The following CNOT1 variants were observed in gnomAD, a reference collection of about 807,000 sequenced individuals.
CNOT1 encodes the protein CCR4-associated factor 1.
Under a neutral mutation model 273.8 loss-of-function variants are expected in CNOT1, and 15 were observed. The ratio of observed to expected loss-of-function variants is 0.05; its 90% CI spans 0.04 to 0.08. CNOT1 has a LOEUF of 0.08. Ranked by LOEUF, CNOT1 falls within the 10% of genes least tolerant of loss-of-function variation. The probability of loss-of-function intolerance (pLI) is 1.00; values close to 1 mark genes in which losing one functional copy is unlikely to be tolerated. For synonymous variants in CNOT1, 1,022 were observed against 1,005.5 expected (o/e 1.02, Z -0.31); for missense variants, 1,644 against 2,912.2 (o/e 0.56, Z 10.02).
At chr16:58,537,550 T>A (rs2039964704) in intron 38 of CNOT1, among the ~76,000 whole-genome samples, 1 of 152,252 alleles carries the variant, frequency 6.6e-6, no homozygotes, top group Non-Finnish European at 1.5e-5. Context: ...TTTCCAATAG[T>A]TCTTTGAGAA....
intron 2 of CNOT1, among the ~76,000 whole-genome samples, chr16:58,594,325 G>A (rs564843732): frequency 1.3e-5 from 2 of 152,188 alleles, no homozygotes; most frequent in South Asian, 4.1e-4. Flanking sequence ...CATTAAATAC[G>A]CAAATGCACC....
intron 1 of CNOT1, 115 bp downstream of exon 1, chr16:58,629,613 C>G (rs909151820): frequency 6.5e-6 from 1 of 152,816 alleles, no homozygotes; most frequent in Middle Eastern, 3.2e-3. Context: ...CCCTAGAGCT[C>G]CGGGAAACGC....
chr16:58,527,070 G>A (rs1449026096), intron 44 of CNOT1, among the ~76,000 whole-genome samples: 1 of 152,122 alleles, frequency 6.6e-6, no homozygotes, highest in Non-Finnish European at 1.5e-5. Context: ...GCCATGTCAG[G>A]GTGGTGAGAT....
chr16:58,573,990 C>T (rs2041376079), intron 16 of CNOT1, among the ~76,000 whole-genome samples: 1 of 152,080 alleles, frequency 6.6e-6, no homozygotes, highest in Admixed American at 6.6e-5. Context: ...GTGACTCACA[C>T]CTGTAATCCC....
intron 1 of CNOT1, among the ~76,000 whole-genome samples, chr16:58,601,236 A>T (rs1223289336): frequency 6.6e-6 from 1 of 152,140 alleles, no homozygotes; most frequent in Non-Finnish European, 1.5e-5. Flanking sequence ...GATTACAAGC[A>T]TGAGCCATGG....
chr16:58,577,715 T>C (rs1215837975), intron 13 of CNOT1, among the ~76,000 whole-genome samples: 1 of 152,062 alleles, frequency 6.6e-6, no homozygotes, highest in Non-Finnish European at 1.5e-5. Flanking sequence ...GGCATGTGCC[T>C]GTGGTCCCAT....
At chr16:58,550,042 A>G (rs2040400390) in intron 24 of CNOT1, 144 bp from the exon 25 acceptor site, 2 of 1,286,584 alleles carry the variant, frequency 1.6e-6, no homozygotes, top group Non-Finnish European at 2.1e-6. Context: ...CACCAGATAG[A>G]TGCTATGAAG....
chr16:58,626,674 C>A (rs1178663635), intron 1 of CNOT1, among the ~76,000 whole-genome samples: 2 of 151,576 alleles, frequency 1.3e-5, no homozygotes, highest in African/African-American at 4.8e-5. Context: ...GCAGGAGAAT[C>A]GCTTGAACCC....
chr16:58,531,431 ACTTG>A (rs1400660453), intron 42 of CNOT1, among the ~76,000 whole-genome samples: 1 of 152,214 alleles, frequency 6.6e-6, no homozygotes, highest in Non-Finnish European at 1.5e-5. Context: ...CTTAAATAGA[ACTTG>A]ATCATAATCC....
At chr16:58,544,669 T>C (rs1190907719) in intron 30 of CNOT1, among the ~76,000 whole-genome samples, 1 of 152,198 alleles carries the variant, frequency 6.6e-6, no homozygotes, top group African/African-American at 2.4e-5. Context: ...TGTATTAATG[T>C]TACTCTTGTA....
At chr16:58,521,886 G>A (rs1357192385) in intron 47 of CNOT1, among the ~76,000 whole-genome samples, 1 of 152,284 alleles carries the variant, frequency 6.6e-6, no homozygotes, top group Middle Eastern at 3.4e-3. Flanking sequence ...AGTAGGTGGA[G>A]GTTGTGGTGA....
At chr16:58,521,599 G>T (rs980991532) in intron 47 of CNOT1, among the ~76,000 whole-genome samples, 2 of 152,182 alleles carry the variant, frequency 1.3e-5, no homozygotes, top group African/African-American at 4.8e-5. Context: ...GGGAGAGGAA[G>T]CCACATAAAG....
intron 1 of CNOT1, among the ~76,000 whole-genome samples, chr16:58,603,852 A>C (rs1259340245): frequency 1.3e-5 from 2 of 152,124 alleles, no homozygotes; most frequent in Non-Finnish European, 2.9e-5. Flanking sequence ...GCATTTTTCC[A>C]CATCATATAA....
At chr16:58,522,237 C>CAAAAAAAAAAAAAAAA (rs56149974) in intron 47 of CNOT1, among the ~76,000 whole-genome samples, 1 of 98,556 alleles carries the variant, frequency 1.0e-5, no homozygotes, top group African/African-American at 4.2e-5. Context: ...GAGACTGTCT[C>CAAAAAAAAAAAAAAAA]AAAAAAAAAA....
chr16:58,537,592 A>G (rs2039965490), intron 38 of CNOT1, among the ~76,000 whole-genome samples: 1 of 152,216 alleles, frequency 6.6e-6, no homozygotes, highest in Non-Finnish European at 1.5e-5. Flanking sequence ...GAATAGGTTT[A>G]AGGAGGATAA....
intron 47 of CNOT1, among the ~76,000 whole-genome samples, chr16:58,522,179 C>T (rs1244318144): frequency 3.0e-5 from 4 of 134,198 alleles, no homozygotes; most frequent in South Asian, 2.3e-4. Flanking sequence ...ATTAGCCGGA[C>T]GTGGTGGCAG....
chr16:58,607,438 G>T (rs1480452079), intron 1 of CNOT1, among the ~76,000 whole-genome samples: 1 of 151,994 alleles, frequency 6.6e-6, no homozygotes, highest in Non-Finnish European at 1.5e-5. Flanking sequence ...CAATGAAAAT[G>T]GCTATCTAGG....
intron 44 of CNOT1, among the ~76,000 whole-genome samples, chr16:58,527,048 C>A (rs2039613766): frequency 6.8e-6 from 1 of 146,300 alleles, no homozygotes; most frequent in African/African-American, 2.8e-5. Context: ...GTCTCTTAAA[C>A]AAACTATAGT....
chr16:58,604,933 G>A (rs143910226), intron 1 of CNOT1, among the ~76,000 whole-genome samples: 2,956 of 149,264 alleles, frequency 0.02, 92 homozygotes, highest in African/African-American at 0.068. Flanking sequence ...TCAGGAGATC[G>A]AGACCATCCT....
Sources: allele counts gnomAD v4.1 joint callset (sites outside exome capture counted in the v4.1 genomes callset), GRCh38; gene constraint gnomAD v4.1.1; transcripts MANE v1.5; gene names NCBI Gene and HGNC (gene_info 2026-07-23, HGNC 2026-07-21).